COL27A1: variants seen among roughly 807,000 people sequenced by gnomAD.
The protein encoded by COL27A1 is collagen alpha-1(XXVII) chain.
A neutral mutation model predicts 251.3 loss-of-function variants in COL27A1; 106 were observed. The ratio of observed to expected loss-of-function variants is 0.42; its 90% CI spans 0.36 to 0.50. The LOEUF (loss-of-function observed/expected upper bound fraction) is 0.50, where lower values mean the gene tolerates loss of function less well. COL27A1 is among the 20% of genes least tolerant of loss of function. The pLI, the probability that COL27A1 is intolerant of heterozygous loss-of-function variation, is 0.00. For synonymous variants in COL27A1, 1,000 were observed against 986.3 expected (o/e 1.01, Z -0.26); for missense variants, 2,325 against 2,522.8 (o/e 0.92, Z 1.68).
At chr9:114,196,125 C>G in intron 7 of COL27A1, 113 bp downstream of exon 7, 5 of 919,446 alleles carry the variant, frequency 5.4e-6, no homozygotes, top group Non-Finnish European at 9.0e-6. Context: ...GCCCAGCTCC[C>G]CTGGGCACAG....
chr9:114,214,045 A>G (rs1013764653), intron 12 of COL27A1, among the ~76,000 whole-genome samples: 1 of 152,210 alleles, frequency 6.6e-6, no homozygotes, highest in African/African-American at 2.4e-5. Context: ...CGAGATCTGC[A>G]TCAGATATGA....
At position 114,245,153 on chromosome 9, in the gene COL27A1, T is replaced by C. The variant is rs10982122; in HGVS notation, c.2935-713T>C. ...CAGTGGGAATGTGCATTCTTGTTTT[T>C]TTTTTTTTTTTTTTTTTTTTTTTGA... On this transcript the variant is annotated intron_variant, in intron 23 of 60. Coordinates refer to ENST00000356083, the MANE Select transcript of COL27A1 (RefSeq NM_032888.4). Among the ~76,000 whole-genome samples the C allele has an allele frequency of 8.4e-3, 728 of 86,670 alleles. 13 individuals carry two copies. The highest frequency in any genetic ancestry group is 0.043 in the African/African-American group (670 of 15,526). The allele number at this position is 86,670 out of a possible 152,430, so 56.9% of individuals were successfully genotyped here.
intron 38 of COL27A1, 45 bp from the exon 39 acceptor site, chr9:114,282,412 C>G: frequency 3.7e-6 from 6 of 1,607,998 alleles, no homozygotes; most frequent in Non-Finnish European, 5.1e-6. Flanking sequence ...CTGGACCCTC[C>G]GTCCTGTTGG....
At chr9:114,273,569 A>G (rs891577602) in intron 36 of COL27A1, 5 of 152,392 alleles carry the variant, frequency 3.3e-5, no homozygotes, top group African/African-American at 1.2e-4. Context: ...TCTTCTAGGC[A>G]GGGCCAAGCC....
chr9:114,291,269 G>A (rs1588882632), intron 48 of COL27A1, among the ~76,000 whole-genome samples: 1 of 152,192 alleles, frequency 6.6e-6, no homozygotes, highest in Non-Finnish European at 1.5e-5. Flanking sequence ...CGTGGGAGGA[G>A]GGGGCCCCCA....
At chr9:114,258,204 G>A (rs1834073556) in intron 27 of COL27A1, among the ~76,000 whole-genome samples, 2 of 152,166 alleles carry the variant, frequency 1.3e-5, no homozygotes, top group Admixed American at 1.3e-4. Flanking sequence ...ATGAATGAAT[G>A]GCATCGTATC....
chr9:114,307,879 C>G (rs1191230643), intron 59 of COL27A1, 101 bp downstream of exon 59: 3 of 754,156 alleles, frequency 4.0e-6, no homozygotes, highest in Non-Finnish European at 6.6e-6. Flanking sequence ...CTGTGCCTGT[C>G]TTACTGCATG....
At chr9:114,154,742 G>T (rs1848029433), upstream of COL27A1, among the ~76,000 whole-genome samples, 1 of 152,160 alleles carries the variant, frequency 6.6e-6, no homozygotes, top group Non-Finnish European at 1.5e-5. The surrounding 1 kb of genome is among the most constrained non-coding windows in gnomAD (Gnocchi z 5.8). Flanking sequence ...GTGTGTGAGC[G>T]TGTGTCTGAG....
At chr9:114,307,155 T>C (rs1829110115) in intron 58 of COL27A1, 1 of 181,636 alleles carries the variant, frequency 5.5e-6, no homozygotes, top group African/African-American at 2.4e-5. Flanking sequence ...CCTTGCCTCC[T>C]CTGCACAAGC....
At chr9:114,235,690 C>T in intron 17 of COL27A1, 38 bp downstream of exon 17, 1 of 1,521,076 alleles carries the variant, frequency 6.6e-7, no homozygotes, top group East Asian at 2.3e-5. Flanking sequence ...CTGCCCCTGC[C>T]CCTGCCCTGC....
chr9:114,187,981 T>C (rs1212941601), intron 5 of COL27A1, among the ~76,000 whole-genome samples: 1 of 152,232 alleles, frequency 6.6e-6, no homozygotes, highest in African/African-American at 2.4e-5. Context: ...GCTCTACTGA[T>C]GCAGGGCAGA....
At chr9:114,266,249 C>A (rs140645809) in intron 32 of COL27A1, among the ~76,000 whole-genome samples, 2 of 152,152 alleles carry the variant, frequency 1.3e-5, no homozygotes, top group African/African-American at 4.8e-5. Context: ...GACATGGATC[C>A]GAGGTGGAAG....
chr9:114,304,510 C>G, intron 56 of COL27A1, 98 bp from the exon 57 acceptor site: 1 of 1,147,408 alleles, frequency 8.7e-7, no homozygotes, highest in Non-Finnish European at 1.3e-6. Flanking sequence ...ATGACTTGGC[C>G]AAGATCCTGC....
chr9:114,292,478 G>A (rs977175486), intron 49 of COL27A1, among the ~76,000 whole-genome samples: 2 of 152,134 alleles, frequency 1.3e-5, no homozygotes, highest in Admixed American at 1.3e-4. Flanking sequence ...GAAGGTGGGC[G>A]CTCCTGACTC....
chr9:114,231,974 C>T, intron 16 of COL27A1, 108 bp downstream of exon 16: 2 of 1,046,342 alleles, frequency 1.9e-6, no homozygotes, highest in South Asian at 2.7e-5. Flanking sequence ...CTGCACTCTT[C>T]CTGCCTCTCC....
intron 17 of COL27A1, among the ~76,000 whole-genome samples, chr9:114,236,193 A>T (rs1417784017): frequency 6.6e-6 from 1 of 152,040 alleles, no homozygotes. Context: ...CCTGCTCAGA[A>T]AGTGGCCATT....
At chr9:114,195,676 G>A (rs1019682056) in intron 6 of COL27A1, among the ~76,000 whole-genome samples, 2 of 152,222 alleles carry the variant, frequency 1.3e-5, no homozygotes, top group African/African-American at 2.4e-5. Flanking sequence ...GTTTTCAAAC[G>A]TGGTTTTAGT....
chr9:114,302,882 G>A (rs941264038), intron 56 of COL27A1, among the ~76,000 whole-genome samples: 17 of 151,988 alleles, frequency 1.1e-4, no homozygotes, highest in African/African-American at 2.9e-4. Flanking sequence ...GTGGCTACAC[G>A]ACTATTACCA....
chr9:114,289,909 C>A, intron 45 of COL27A1, 149 bp from the exon 46 acceptor site: 2 of 916,594 alleles, frequency 2.2e-6, no homozygotes, highest in Non-Finnish European at 3.5e-6. Context: ...AGCTCTGGCC[C>A]CAGGCTTCCA....
Sources: allele counts gnomAD v4.1 joint callset (sites outside exome capture counted in the v4.1 genomes callset), GRCh38; gene constraint gnomAD v4.1.1; non-coding constraint Gnocchi (gnomAD v3.1); transcripts MANE v1.5; gene names NCBI Gene and HGNC (gene_info 2026-07-23, HGNC 2026-07-21).